The following APC2 variants were observed in gnomAD, a reference collection of about 807,000 sequenced individuals.
The protein encoded by APC2 is adenomatous polyposis coli protein 2.
APC2 carries 41 observed loss-of-function variants against 72.5 expected under a neutral mutation model. That is an observed-to-expected ratio of 0.57 (90% CI 0.44 to 0.73). The LOEUF is 0.73. APC2 is among the 30% of genes least tolerant of loss of function. APC2 has a pLI of 0.00. For synonymous variants in APC2, 1,898 were observed against 1,612.0 expected, an observed-to-expected ratio of 1.18 and a Z score of -4.25; for missense variants, 3,729 against 3,403.4, an observed-to-expected ratio of 1.10 and a Z score of -2.38.
chr19:1,459,488 G>A (rs968853471), intron 10 of APC2, among the ~76,000 whole-genome samples: 7 of 152,216 alleles, frequency 4.6e-5, no homozygotes, highest in African/African-American at 1.7e-4. Flanking sequence ...CTGGCTCTGT[G>A]AATCGTGCTG....
intron 10 of APC2, among the ~76,000 whole-genome samples, chr19:1,458,868 G>A (rs940833863): frequency 1.2e-4 from 18 of 152,078 alleles, no homozygotes; most frequent in African/African-American, 4.3e-4. Flanking sequence ...ATTTTTAGTA[G>A]AGACGGGGTT....
Position 1,468,223 on chromosome 19 carries a change from G to C in APC2, c.4922G>C (p.Arg1641Pro), listed in dbSNP as rs893233584. The C allele has an allele frequency of 4.1e-6, 6 of 1,477,302 alleles. No individual in the cohort carries two copies. The South Asian group carries it at 5.3e-5, about 13-fold the overall frequency. The allele number at this position is 1,477,302 out of a possible 1,614,324, so 91.5% of individuals were successfully genotyped here. A position where few individuals can be genotyped will look rare whatever the true frequency, so the allele number is the denominator to read the frequency against. The change falls in exon 15 of 15, where the codon CGG becomes CCG. Residue 1641 changes from arginine to proline, a missense_variant. Coordinates refer to ENST00000590469, the MANE Select transcript of APC2 (RefSeq NM_005883.3). ...RCISSALPRR[R>P]PPVSGLRRRK... ...ATCAGCTCGGCCCTGCCCAGGCGCC[G>C]GCCCCCCGTGTCTGGCCTGCGGCGC...
At position 1,460,865 on chromosome 19, in the gene APC2, G is replaced by A; in HGVS notation, c.1521+8G>A. On this transcript the variant is annotated splice_region_variant and intron_variant, in intron 12 of 14. Transcript: ENST00000590469. Reference sequence around the variant, plus strand: ...AGTGAGGAGCTCCACCAGGTACAGGGCGGGGTGCTGGGAAAGCCTTCCAGG... The same window carrying A: ...AGTGAGGAGCTCCACCAGGTACAGGACGGGGTGCTGGGAAAGCCTTCCAGG... 1.2e-6 allele frequency: 2 copies of A among 1,613,204 alleles called. No homozygotes were observed. Among genetic ancestry groups the A allele is most frequent in the Non-Finnish European group, 1.7e-6 (2 of 1,179,900 alleles).
upstream of APC2, among the ~76,000 whole-genome samples, chr19:1,449,984 C>A (rs1350730441): frequency 6.6e-6 from 1 of 152,088 alleles, no homozygotes; most frequent in Admixed American, 6.5e-5. Context: ...TGAGCCCGCG[C>A]GGAGGCCCGA....
intron 14 of APC2, among the ~76,000 whole-genome samples, chr19:1,462,709 A>G (rs1426562054): frequency 2.1e-4 from 29 of 139,726 alleles, no homozygotes; most frequent in Non-Finnish European, 3.1e-4. Context: ...AGTGGCTCAC[A>G]CCTGTAATCC....
rs201231128 is a variant in APC2 at position 1,453,073 on chromosome 19, C to T, written c.72C>T (p.His24=). The T allele has an allele frequency of 1.9e-6, 3 of 1,610,542 alleles. No homozygotes were observed. The highest frequency in any genetic ancestry group is 2.5e-6 in the Non-Finnish European group (3 of 1,179,450). ...QVEALKAENS[H]LRQELRDNSS... ...AGGCCTTGAAGGCTGAGAACAGCCA[C>T]CTGAGGCAGGAGCTAAGGGACAACT... Residue 24 remains histidine, a synonymous_variant, in exon 2 of 15, where the codon CAC becomes CAT. Transcript: ENST00000590469.
In APC2 at chr19:1,468,252, A is replaced by G; in HGVS notation, c.4951A>G (p.Lys1651Glu). The change falls in exon 15 of 15, where the codon AAG becomes GAG. Residue 1651 changes from lysine (K) to glutamate (E), a missense_variant. Physicochemically the swap from Lys to Glu is moderately conservative, Grantham distance 56. Coordinates refer to ENST00000590469, the MANE Select transcript of APC2 (RefSeq NM_005883.3). ...RPPVSGLRRRKPRATRLDERP... is the reference protein window; with the variant it reads ...RPPVSGLRRREPRATRLDERP... ...CCCCGTGTCTGGCCTGCGGCGCCGC[A>G]AGCCCCGAGCCACCCGGCTGGATGA... 1 of 1,515,270 alleles carries G rather than the reference A, an allele frequency of 6.6e-7. No homozygotes were observed. Among genetic ancestry groups the G allele is most frequent in the African/African-American group, 1.4e-5 (1 of 70,294 alleles). The allele number at this position is 1,515,270 out of a possible 1,614,324, so 93.9% of individuals were successfully genotyped here. A position where few individuals can be genotyped will look rare whatever the true frequency, so the allele number is the denominator to read the frequency against.
rs1419606995 is a variant in APC2 at position 1,456,251 on chromosome 19, T to A, written c.718-55T>A. The stretch of plus-strand genomic sequence containing the variant: ...CCGCCCCCGCCCACATCATCACGGG[T>A]GAGCAGACTGGGTGCTCTGGGACTG... On this transcript the variant is annotated intron_variant, in intron 7 of 14. Coordinates refer to ENST00000590469, the MANE Select transcript of APC2 (RefSeq NM_005883.3). 4.5e-6 allele frequency: 7 copies of A among 1,565,128 alleles called. No homozygotes were observed. In the East Asian group the frequency reaches 9.5e-5, roughly 21 times the overall value.
Position 1,465,151 on chromosome 19 carries a change from A to G in APC2, c.1854-4A>G. On this transcript the variant is annotated splice_region_variant and splice_polypyrimidine_tract_variant and intron_variant, in intron 14 of 14. Coordinates refer to ENST00000590469, the MANE Select transcript of APC2 (RefSeq NM_005883.3). The stretch of plus-strand genomic sequence containing the variant: ...GCCCAGGCTAACCCGCCCTGTGCCT[A>G]CAGGCAGGTGCTCCGGGATCACAAC... 1.9e-6 allele frequency: 3 copies of G among 1,594,766 alleles called. No individual in the cohort carries two copies. The highest frequency in any genetic ancestry group is 2.6e-6 in the Non-Finnish European group (3 of 1,171,592).
chr19:1,455,522 C>T (rs532831165), intron 6 of APC2, 22 bp downstream of exon 6: 3 of 1,585,718 alleles, frequency 1.9e-6, no homozygotes, highest in East Asian at 2.3e-5. Context: ...GGCGGGGTGG[C>T]GCGGCGGTAG....
rs999011815 is a variant in APC2, at chr19:1,468,206, G to A, written c.4905G>A (p.Ser1635=). The change falls in exon 15 of 15, where the codon TCG becomes TCA. Residue 1635 remains serine, a synonymous_variant. Coordinates refer to ENST00000590469, the MANE Select transcript of APC2 (RefSeq NM_005883.3). ...AEELLQRCIS[S]ALPRRRPPVS... ...AGCTTCTGCAGCGGTGCATCAGCTC[G>A]GCCCTGCCCAGGCGCCGGCCCCCCG... The A allele has an allele frequency of 5.5e-6, 8 of 1,465,176 alleles. No individual in the cohort carries two copies. In the African/African-American group the frequency reaches 1.0e-4, roughly 19 times the overall value. 90.8% of individuals were successfully genotyped at this position (1,465,176 alleles called of 1,614,324 possible).
rs919256378 is a variant in APC2, at chr19:1,452,771, A to T, written c.-18-213A>T. On this transcript the variant is annotated intron_variant, in intron 1 of 14. Transcript: ENST00000590469. The surrounding 1 kb of genome is among the most constrained non-coding windows in gnomAD (Gnocchi z 5.1). Reference sequence around the variant, plus strand: ...GGCCCCTCTGTCTCCCCTTGGGGCCACCTCTCACTCCACCTGCCCCTCTGC... The same window carrying T: ...GGCCCCTCTGTCTCCCCTTGGGGCCTCCTCTCACTCCACCTGCCCCTCTGC... The T allele has an allele frequency of 1.2e-5, 7 of 570,626 alleles. No homozygotes were observed. Among genetic ancestry groups the T allele is most frequent in the Admixed American group, 9.5e-5 (3 of 31,732 alleles). 35.3% of individuals were successfully genotyped at this position (570,626 alleles called of 1,614,324 possible). A position where few individuals can be genotyped will look rare whatever the true frequency, so the allele number is the denominator to read the frequency against.
Position 1,456,287 on chromosome 19 carries a change from C to G in APC2, c.718-19C>G, listed in dbSNP as rs969808744. On this transcript the variant is annotated intron_variant, in intron 7 of 14. Transcript: ENST00000590469. ...GGTGCTCTGGGACTGTACCCCCGAC[C>G]CTGGTGCTCTCCCTGCAGGCCTTGC... The G allele has an allele frequency of 1.9e-6, 3 of 1,599,584 alleles. No homozygotes were observed. Among genetic ancestry groups the G allele is most frequent in the Non-Finnish European group, 2.6e-6 (3 of 1,174,178 alleles).
rs367771812 is a variant in APC2, at chr19:1,469,034, G to T, written c.5733G>T (p.Thr1911=). The T allele has an allele frequency of 5.2e-6, 8 of 1,543,166 alleles. No homozygotes were observed. The highest frequency in any genetic ancestry group is 7.0e-6 in the Non-Finnish European group (8 of 1,147,096). Residue 1911 remains threonine (T), a synonymous_variant, in exon 15 of 15, where the codon ACG becomes ACT. Transcript: ENST00000590469. ...PGPGASPVPK[T]PARTLLAKQH... is the part of the protein sequence containing the mutation. ...CCGGAGCCTCCCCGGTGCCCAAAAC[G>T]CCGGCGCGCACCCTTCTGGCGAAGC...
Position 1,468,217 on chromosome 19 carries a change from G to A in APC2, c.4916G>A (p.Arg1639Lys). 4 of 1,476,066 alleles carry A rather than the reference G, an allele frequency of 2.7e-6. No homozygotes were observed. The highest frequency in any genetic ancestry group is 3.6e-6 in the Non-Finnish European group (4 of 1,121,912). 91.4% of individuals were successfully genotyped at this position (1,476,066 alleles called of 1,614,324 possible). Reference sequence around the variant, plus strand: ...CGGTGCATCAGCTCGGCCCTGCCCAGGCGCCGGCCCCCCGTGTCTGGCCTG... The same window carrying A: ...CGGTGCATCAGCTCGGCCCTGCCCAAGCGCCGGCCCCCCGTGTCTGGCCTG... ...LQRCISSALP[R>K]RRPPVSGLRR... is the part of the protein sequence containing the mutation. Residue 1639 changes from arginine to lysine, a missense_variant, in exon 15 of 15, where the codon AGG becomes AAG. Coordinates refer to ENST00000590469, the MANE Select transcript of APC2 (RefSeq NM_005883.3).
Position 1,453,354 on chromosome 19 carries a change from C to T in APC2, c.232+17C>T, listed in dbSNP as rs1235570888. 1.2e-6 allele frequency: 2 copies of T among 1,611,046 alleles called. No homozygotes were observed. Among genetic ancestry groups the T allele is most frequent in the Non-Finnish European group, 1.7e-6 (2 of 1,179,136 alleles). The stretch of plus-strand genomic sequence containing the variant: ...AGCTGAAGGGTGAGCGGTGGGGCCA[C>T]CCGCAGAGGGAGTGGGGGAGGCTGG... On this transcript the variant is annotated intron_variant, in intron 3 of 14. Coordinates refer to ENST00000590469, the MANE Select transcript of APC2 (RefSeq NM_005883.3).
chr19:1,448,213 A>G (rs2083703964), upstream of APC2, among the ~76,000 whole-genome samples: 1 of 151,900 alleles, frequency 6.6e-6, no homozygotes, highest in Non-Finnish European at 1.5e-5. Context: ...CCTGTGTCCC[A>G]AGCATGCATT....
upstream of APC2, chr19:1,446,339 C>T: frequency 1.0e-6 from 1 of 985,298 alleles, no homozygotes; most frequent in South Asian, 4.7e-5. This position sits in a 1 kb window ranked among gnomAD's most constrained non-coding sequence, Gnocchi z 6.1. Context: ...CTTCGGGGAC[C>T]AGGTAGGGCG....
intron 12 of APC2, 58 bp from the exon 13 acceptor site, chr19:1,460,979 G>C: frequency 6.3e-7 from 1 of 1,596,600 alleles, no homozygotes; most frequent in East Asian, 2.2e-5. Context: ...CACATTTGCT[G>C]GGGGGTTTGG....
Sources: gnomAD v4.1 joint callset for allele counts (sites outside exome capture counted in the v4.1 genomes callset) on GRCh38, gnomAD v4.1.1 for gene constraint, Gnocchi (gnomAD v3.1) non-coding constraint, MANE v1.5 for transcripts, NCBI Gene and HGNC (gene_info 2026-07-23, HGNC 2026-07-21) for gene names.